Variants in CXADR observed in about 807,000 individuals in gnomAD.
CXADR encodes the protein coxsackievirus and adenovirus receptor.
CXADR carries 20 observed loss-of-function variants against 40.3 expected under a neutral mutation model. The observed-to-expected ratio is 0.50, with a 90% CI of 0.35 to 0.72. The LOEUF (loss-of-function observed/expected upper bound fraction) is 0.72, where lower values mean the gene tolerates loss of function less well. Among genes scored for constraint, CXADR ranks in the 30% least tolerant of loss-of-function variants. CXADR has a pLI of 0.01. For missense variants in CXADR, 332 were observed against 449.1 expected (o/e 0.74, Z 2.36); for synonymous variants, 150 against 161.3 (o/e 0.93, Z 0.53).
At position 17,569,151 on chromosome 21, in the gene CXADR, T is replaced by G; in HGVS notation, c.*3459T>G. 1.0e-6 allele frequency: 1 copy of G among 985,432 alleles called. No homozygotes were observed. The highest frequency in any genetic ancestry group is 4.7e-5 in the South Asian group (1 of 21,292). 61.0% of individuals were successfully genotyped at this position (985,432 alleles called of 1,614,324 possible). A position where few individuals can be genotyped will look rare whatever the true frequency, so the allele number is the denominator to read the frequency against. The stretch of plus-strand genomic sequence containing the variant: ...AAAAATATTCTCAGTGTCTTTTGTG[T>G]GCGTGCAGCATGTACATTTGATGTT... On this transcript the variant is annotated 3_prime_UTR_variant, in exon 7 of 7. Coordinates refer to ENST00000284878, the MANE Select transcript of CXADR (RefSeq NM_001338.5).
intron 1 of CXADR, among the ~76,000 whole-genome samples, chr21:17,537,554 G>A (rs568258904): frequency 6.8e-4 from 103 of 152,086 alleles, no homozygotes; most frequent in African/African-American, 2.4e-3. Context: ...GTCCCTGCTT[G>A]AATTCTACAA....
intron 2 of CXADR, among the ~76,000 whole-genome samples, chr21:17,550,965 A>G (rs1439834451): frequency 1.3e-5 from 2 of 152,210 alleles, no homozygotes; most frequent in African/African-American, 4.8e-5. Context: ...TAGTATTAAG[A>G]CCAAACAAAG....
chr21:17,525,228 A>G (rs2060584760), intron 1 of CXADR, among the ~76,000 whole-genome samples: 1 of 152,236 alleles, frequency 6.6e-6, no homozygotes, highest in African/African-American at 2.4e-5. Context: ...ATTCTTTCAA[A>G]GATATTTCTT....
chr21:17,585,470 T>G (rs1244737928), intron 7 of CXADR, among the ~76,000 whole-genome samples: 1 of 152,090 alleles, frequency 6.6e-6, no homozygotes, highest in Non-Finnish European at 1.5e-5. Flanking sequence ...ATTAAACTAT[T>G]AATAGTGGTT....
At chr21:17,608,923 C>A in the CXADR span, 2 of 1,563,270 alleles carry the variant, frequency 1.3e-6, no homozygotes, top group Non-Finnish European at 1.7e-6. Context: ...GGCCTTGAAC[C>A]CACCTCAGGG....
intron 1 of CXADR, 55 bp downstream of exon 1, chr21:17,513,227 C>T (rs1016415029): frequency 2.5e-5 from 34 of 1,336,916 alleles, no homozygotes; most frequent in Non-Finnish European, 3.3e-5. Context: ...GCGCTCGCTG[C>T]CCGCGGCCAC....
At chr21:17,545,242 C>T (rs1215050216) in intron 1 of CXADR, among the ~76,000 whole-genome samples, 1 of 151,670 alleles carries the variant, frequency 6.6e-6, no homozygotes, top group Non-Finnish European at 1.5e-5. Context: ...TAGAGTTGCT[C>T]TTCAACAGAA....
At chr21:17,598,222 G>A (rs1350676219), downstream of CXADR, among the ~76,000 whole-genome samples, 1 of 152,036 alleles carries the variant, frequency 6.6e-6, no homozygotes, top group Non-Finnish European at 1.5e-5. Context: ...AATAAATTTA[G>A]AGAGGTTTCT....
At chr21:17,616,378 C>A in the CXADR span, among the ~76,000 whole-genome samples, 1 of 147,894 alleles carries the variant, frequency 6.8e-6, no homozygotes, top group African/African-American at 2.5e-5. Context: ...CTCTGTTGCC[C>A]AGGCTGGAGT....
intron 5 of CXADR, among the ~76,000 whole-genome samples, chr21:17,561,061 A>T (rs2061112306): frequency 6.6e-6 from 1 of 152,206 alleles, no homozygotes; most frequent in Non-Finnish European, 1.5e-5. Context: ...TTTAGCTGTT[A>T]TAAGTATGAG....
chr21:17,571,755 G>T (rs1310288335), downstream of CXADR, among the ~76,000 whole-genome samples: 1 of 152,170 alleles, frequency 6.6e-6, no homozygotes, highest in Non-Finnish European at 1.5e-5. Flanking sequence ...GCTACTCTAA[G>T]GTAACTATAC....
chr21:17,553,868 T>C (rs550758117), intron 3 of CXADR, among the ~76,000 whole-genome samples: 2 of 152,150 alleles, frequency 1.3e-5, no homozygotes, highest in South Asian at 2.1e-4. Context: ...CTGCCTGCCT[T>C]GGCCTCCCAA....
intron 1 of CXADR, among the ~76,000 whole-genome samples, chr21:17,528,492 A>C (rs1240236736): frequency 7.0e-6 from 1 of 143,108 alleles, no homozygotes; most frequent in Non-Finnish European, 1.5e-5. Context: ...CGTAACCTCC[A>C]CCTCCCGGGT....
intron 4 of CXADR, among the ~76,000 whole-genome samples, chr21:17,559,691 T>A (rs2846883): frequency 2.3e-4 from 29 of 128,482 alleles, no homozygotes; most frequent in East Asian, 1.9e-3. Flanking sequence ...TTTTTTTTTT[T>A]CCGAGACAAG....
chr21:17,562,637 A>G (rs1200508237), intron 6 of CXADR, among the ~76,000 whole-genome samples: 2 of 152,232 alleles, frequency 1.3e-5, no homozygotes, highest in African/African-American at 2.4e-5. Flanking sequence ...AAAGGCCTAG[A>G]TGGTGTCTTC....
At chr21:17,612,052 C>T in the CXADR span, 1 of 152,394 alleles carries the variant, frequency 6.6e-6, no homozygotes, top group Non-Finnish European at 1.5e-5. Context: ...CCATCGAAAC[C>T]TGCTGCTAGG....
chr21:17,564,773 C>T lies in CXADR; in HGVS notation c.834-655C>T, dbSNP rs564731440. 7.9e-5 allele frequency among the ~76,000 whole-genome samples: 12 copies of T among 152,190 alleles called. No individual in the cohort carries two copies. In the South Asian group the frequency reaches 1.5e-3, roughly 18 times the overall value. ...TTTTTGAGACAGAGTCTCACTCTGG[C>T]GCCCAGGCTGGAGTGCTGTGGCGCA... On this transcript the variant is annotated intron_variant, in intron 6 of 6. Transcript: ENST00000284878.
intron 1 of CXADR, among the ~76,000 whole-genome samples, chr21:17,516,900 A>T (rs982321614): frequency 6.6e-6 from 1 of 152,234 alleles, no homozygotes; most frequent in African/African-American, 2.4e-5. Context: ...CATATTTCAA[A>T]ATAATGTGTT....
chr21:17,580,027 T>TAG (rs2061349425), intron 7 of CXADR, among the ~76,000 whole-genome samples: 1 of 152,192 alleles, frequency 6.6e-6, no homozygotes, highest in African/African-American at 2.4e-5. Context: ...CTTGCTATGT[T>TAG]ATCTAAGCTG....
Sources: allele counts gnomAD v4.1 joint callset (sites outside exome capture counted in the v4.1 genomes callset), GRCh38; gene constraint gnomAD v4.1.1; transcripts MANE v1.5; gene names NCBI Gene and HGNC (gene_info 2026-07-23, HGNC 2026-07-21).